The following RBFOX1 variants were observed in gnomAD, a reference collection of about 807,000 sequenced individuals.
RBFOX1 encodes the protein RNA binding fox-1 homolog 1.
Under a neutral mutation model 57.7 loss-of-function variants are expected in RBFOX1, and 8 were observed. The observed-to-expected ratio is 0.14, with a 90% confidence interval of 0.08 to 0.25. The LOEUF (loss-of-function observed/expected upper bound fraction) is 0.25, where lower values mean the gene tolerates loss of function less well. RBFOX1 is among the 10% of genes least tolerant of loss of function. The pLI is 1.00. For missense variants in RBFOX1, 611 were observed against 548.5 expected (o/e 1.11, Z -1.14); for synonymous variants, 326 against 222.4 (o/e 1.47, Z -4.15).
intron 1 of RBFOX1, among the ~76,000 whole-genome samples, chr16:5,254,359 A>G (rs1405194108): frequency 6.6e-6 from 1 of 152,178 alleles, no homozygotes; most frequent in Admixed American, 6.5e-5. Flanking sequence ...GTTATGCTAG[A>G]AGATGGTGTC....
chr16:5,493,177 G>A (rs747468932), intron 2 of RBFOX1, among the ~76,000 whole-genome samples: 1 of 152,202 alleles, frequency 6.6e-6, no homozygotes, highest in Non-Finnish European at 1.5e-5. Context: ...CTCAGATCCC[G>A]AAGACATAGC....
intron 3 of RBFOX1, among the ~76,000 whole-genome samples, chr16:5,677,621 A>G (rs1244626123): frequency 1.3e-5 from 2 of 152,338 alleles, no homozygotes; most frequent in East Asian, 3.9e-4. Context: ...TACAGCAGAG[A>G]ATGACACAGG....
chr16:7,696,166 T>TATC (rs2078739272), intron 14 of RBFOX1, among the ~76,000 whole-genome samples: 1 of 152,198 alleles, frequency 6.6e-6, no homozygotes, highest in Non-Finnish European at 1.5e-5. Context: ...TTTACAAGGA[T>TATC]ATCTATTTTC....
intron 1 of RBFOX1, among the ~76,000 whole-genome samples, chr16:6,288,356 G>A (rs914719560): frequency 6.6e-6 from 1 of 152,142 alleles, no homozygotes; most frequent in African/African-American, 2.4e-5. Context: ...TATAGATTCA[G>A]ATTTGGAAGT....
intron 3 of RBFOX1, among the ~76,000 whole-genome samples, chr16:6,993,515 C>G (rs1050960452): frequency 6.6e-6 from 1 of 152,096 alleles, no homozygotes; most frequent in African/African-American, 2.4e-5. Context: ...AATCTGTGAT[C>G]AGGAAACCTG....
chr16:7,567,809 C>T (rs1489275913), intron 5 of RBFOX1, among the ~76,000 whole-genome samples: 6 of 147,108 alleles, frequency 4.1e-5, no homozygotes, highest in Non-Finnish European at 9.0e-5. Flanking sequence ...ATATATATCC[C>T]CATATATATA....
At chr16:5,557,290 T>C in intron 2 of RBFOX1, among the ~76,000 whole-genome samples, 1 of 137,848 alleles carries the variant, frequency 7.3e-6, no homozygotes, top group Non-Finnish European at 1.7e-5. Flanking sequence ...AATAAATAAA[T>C]AAATAAATAA....
intron 2 of RBFOX1, among the ~76,000 whole-genome samples, chr16:6,592,612 T>G (rs1253586043): frequency 6.6e-6 from 1 of 152,166 alleles, no homozygotes; most frequent in African/African-American, 2.4e-5. Flanking sequence ...TTTGAAGAGA[T>G]ATACATATGG....
At chr16:6,869,506 T>G (rs2060504302) in intron 3 of RBFOX1, among the ~76,000 whole-genome samples, 1 of 151,908 alleles carries the variant, frequency 6.6e-6, no homozygotes, top group Non-Finnish European at 1.5e-5. Context: ...CCTGAGTTTT[T>G]CAACACATAT....
chr16:6,303,352 A>AAT (rs2079053603), intron 1 of RBFOX1, among the ~76,000 whole-genome samples: 1 of 151,748 alleles, frequency 6.6e-6, no homozygotes, highest in African/African-American at 2.4e-5. Flanking sequence ...TTTTTTAAAA[A>AAT]ATCGAGGCCT....
chr16:7,089,096 G>A (rs1037440530), intron 4 of RBFOX1, among the ~76,000 whole-genome samples: 1 of 152,062 alleles, frequency 6.6e-6, no homozygotes, highest in African/African-American at 2.4e-5. Context: ...CCCTTTCTTT[G>A]GGACATTTTC....
chr16:7,318,563 A>G (rs1043261511), intron 4 of RBFOX1, among the ~76,000 whole-genome samples: 2 of 152,228 alleles, frequency 1.3e-5, no homozygotes, highest in Non-Finnish European at 2.9e-5. Flanking sequence ...ATTCATTGTC[A>G]TTATGAAGAC....
At chr16:6,356,461 G>A (rs1320937588) in intron 2 of RBFOX1, among the ~76,000 whole-genome samples, 1 of 152,126 alleles carries the variant, frequency 6.6e-6, no homozygotes, top group Non-Finnish European at 1.5e-5. Flanking sequence ...TATATTGGGA[G>A]AAAAATGCTA....
chr16:6,138,426 C>A (rs1054300034), intron 1 of RBFOX1, among the ~76,000 whole-genome samples: 8 of 152,198 alleles, frequency 5.3e-5, no homozygotes, highest in Non-Finnish European at 1.0e-4. Flanking sequence ...GGTGGCTTAA[C>A]TGGTATAGAT....
chr16:7,142,919 T>TC (rs2074148198), intron 4 of RBFOX1, among the ~76,000 whole-genome samples: 1 of 151,804 alleles, frequency 6.6e-6, no homozygotes. Context: ...AGTATTTTTT[T>TC]TTTTTCTGTG....
chr16:7,335,205 T>G (rs954947387), intron 4 of RBFOX1, among the ~76,000 whole-genome samples: 1 of 152,234 alleles, frequency 6.6e-6, no homozygotes, highest in Non-Finnish European at 1.5e-5. Context: ...TGCTGCCAGC[T>G]GTCCTGCATT....
At chr16:7,266,530 A>C (rs1385385966) in intron 4 of RBFOX1, among the ~76,000 whole-genome samples, 4 of 152,194 alleles carry the variant, frequency 2.6e-5, no homozygotes, top group African/African-American at 9.6e-5. Context: ...ATGCAAGAAC[A>C]ACCTATTACA....
At chr16:6,124,239 C>T (rs1009037251) in intron 1 of RBFOX1, among the ~76,000 whole-genome samples, 8 of 152,294 alleles carry the variant, frequency 5.3e-5, no homozygotes, top group African/African-American at 1.9e-4. Flanking sequence ...CCACATTCTC[C>T]TTTGCTACCC....
intron 2 of RBFOX1, among the ~76,000 whole-genome samples, chr16:6,538,211 C>G (rs1008772093): frequency 2.0e-5 from 3 of 152,088 alleles, no homozygotes; most frequent in Non-Finnish European, 4.4e-5. Flanking sequence ...GCAAATCAGG[C>G]CAGGCATGGA....
Sources: allele counts gnomAD v4.1 joint callset (sites outside exome capture counted in the v4.1 genomes callset), GRCh38; gene constraint gnomAD v4.1.1; transcripts MANE v1.5; gene names NCBI Gene and HGNC (gene_info 2026-07-23, HGNC 2026-07-21).